Variants in DEDD2 observed in about 807,000 individuals in gnomAD.
DEDD2 encodes death effector domain containing 2.
DEDD2 carries 18 observed loss-of-function variants against 28.9 expected under a neutral mutation model. The ratio of observed to expected loss-of-function variants is 0.62; its 90% CI spans 0.43 to 0.92. The LOEUF (loss-of-function observed/expected upper bound fraction) is 0.92. Ranked by LOEUF, DEDD2 falls within the 40% of genes least tolerant of loss-of-function variation. The pLI is 0.00. For synonymous variants in DEDD2, 211 were observed against 206.1 expected, an observed-to-expected ratio of 1.02 and a Z score of -0.20; for missense variants, 411 against 463.3, an observed-to-expected ratio of 0.89 and a Z score of 1.04.
chr19:42,215,077 C>A, intron 3 of DEDD2, 56 bp downstream of exon 3: 1 of 1,605,402 alleles, frequency 6.2e-7, no homozygotes, highest in Non-Finnish European at 8.5e-7. Flanking sequence ...CCTTGATGGG[C>A]ACAATTCATA....
chr19:42,203,956 C>G (rs957762102), intron 4 of DEDD2, among the ~76,000 whole-genome samples: 8 of 152,246 alleles, frequency 5.3e-5, no homozygotes, highest in Admixed American at 5.2e-4. Context: ...CTGGCTGCAT[C>G]TTTTCCATTT....
chr19:42,206,511 G>T (rs184423532), intron 4 of DEDD2, among the ~76,000 whole-genome samples: 2 of 152,188 alleles, frequency 1.3e-5, no homozygotes, highest in Admixed American at 6.5e-5. Flanking sequence ...TTTCAGCCAA[G>T]CTCTGCCCCC....
chr19:42,200,617 G>C (rs2035294116), intron 4 of DEDD2, among the ~76,000 whole-genome samples: 1 of 152,222 alleles, frequency 6.6e-6, no homozygotes, highest in Non-Finnish European at 1.5e-5. Context: ...CTGCTAAGAT[G>C]ATGGGTTGGA....
At chr19:42,214,781 A>T (rs1296523560) in intron 3 of DEDD2, among the ~76,000 whole-genome samples, 1 of 152,124 alleles carries the variant, frequency 6.6e-6, no homozygotes, top group Non-Finnish European at 1.5e-5. Context: ...CAAACAGAAA[A>T]AAACAAAAAC....
Position 42,217,058 on chromosome 19 carries a change from C to T in DEDD2, c.-38-13G>A. 2 of 1,527,872 alleles carry T rather than the reference C, an allele frequency of 1.3e-6. No homozygotes were observed. Among genetic ancestry groups the T allele is most frequent in the Non-Finnish European group, 1.8e-6 (2 of 1,127,490 alleles). 94.6% of individuals were successfully genotyped at this position (1,527,872 alleles called of 1,614,324 possible). A position where few individuals can be genotyped will look rare whatever the true frequency, so the allele number is the denominator to read the frequency against. ...CTCAGAACCCGGCCTAGAACCCACA[C>T]AGCGGGGAGGGGGCAGTGGTCAGCG... On this transcript the variant is annotated splice_polypyrimidine_tract_variant and intron_variant, in intron 1 of 4. Transcript: ENST00000596251.
chr19:42,200,262 T>C (rs2035278458), intron 4 of DEDD2, among the ~76,000 whole-genome samples: 1 of 152,220 alleles, frequency 6.6e-6, no homozygotes, highest in Non-Finnish European at 1.5e-5. Flanking sequence ...CCTCTGTCAG[T>C]TACTATCTGC....
rs2035341662 is a variant in DEDD2 at position 42,201,819 on chromosome 19, T to C, written c.590-1990A>G. On this transcript the variant is annotated intron_variant, in intron 4 of 4. Coordinates refer to ENST00000596251, the MANE Select transcript of DEDD2 (RefSeq NM_133328.4). The stretch of plus-strand genomic sequence containing the variant: ...CATGGCATTCAGACCCAGCTGTCTC[T>C]ACCCAGACGACCAGATCCTTGACTG... The C allele has an allele frequency of 2.8e-5, 11 of 393,842 alleles. No homozygotes were observed. The East Asian group carries it at 4.0e-4, about 14-fold the overall frequency. The allele number at this position is 393,842 out of a possible 1,614,324, so 24.4% of individuals were successfully genotyped here. A position where few individuals can be genotyped will look rare whatever the true frequency, so the allele number is the denominator to read the frequency against.
In DEDD2 at chr19:42,216,866, G is replaced by T; in HGVS notation, c.142C>A (p.Leu48Met). ...GCGGCGCCAGGAGCCTCATCCAGCA[G>T]AAAGGCCAGGAGCTCCAGCTCGCAC... ...TECELELLAFLLDEAPGAAGG... is the reference protein window; with the variant it reads ...TECELELLAFMLDEAPGAAGG... Residue 48 changes from leucine (L) to methionine (M), a missense_variant, in exon 2 of 5, where the codon CTG (leucine) becomes ATG (methionine). By Grantham distance (15) the Leu-to-Met change is conservative. This residue lies in a region of DEDD2 where 282 missense variants were observed against 273.4 expected (regional missense o/e 1.03). Coordinates refer to ENST00000596251, the MANE Select transcript of DEDD2 (RefSeq NM_133328.4). The T allele has an allele frequency of 6.3e-7, 1 of 1,595,012 alleles. No individual in the cohort carries two copies. The highest frequency in any genetic ancestry group is 8.5e-7 in the Non-Finnish European group (1 of 1,171,372).
At chr19:42,207,254 A>C (rs550118833) in intron 4 of DEDD2, among the ~76,000 whole-genome samples, 10 of 152,188 alleles carry the variant, frequency 6.6e-5, no homozygotes, top group Non-Finnish European at 1.3e-4. Context: ...CTGCTGCCTC[A>C]TCTACAAAGC....
In DEDD2 at chr19:42,199,119, G is replaced by C; in HGVS notation, c.*319C>G. On this transcript the variant is annotated 3_prime_UTR_variant, in exon 5 of 5. Coordinates refer to ENST00000596251, the MANE Select transcript of DEDD2 (RefSeq NM_133328.4). This position sits in a 1 kb window ranked among gnomAD's most constrained non-coding sequence, Gnocchi z 7.4. ...ACAGTGCAGACAGCCCAAGATCAGAGATACAATGTGCAGGGGGGCCTTTGG... is the reference window on the plus strand; with the variant it reads ...ACAGTGCAGACAGCCCAAGATCAGACATACAATGTGCAGGGGGGCCTTTGG... The C allele has an allele frequency of 2.6e-6, 1 of 383,186 alleles. No homozygotes were observed. Among genetic ancestry groups the C allele is most frequent in the South Asian group, 3.9e-5 (1 of 25,866 alleles). The allele number at this position is 383,186 out of a possible 1,614,324, so 23.7% of individuals were successfully genotyped here.
chr19:42,216,645 C>T (rs779867576), intron 2 of DEDD2, 35 bp downstream of exon 2: 2 of 1,513,656 alleles, frequency 1.3e-6, no homozygotes, highest in Non-Finnish European at 1.8e-6. Context: ...GCCCTTTCCT[C>T]CCAGGAAGTG....
chr19:42,199,332 C>T lies in DEDD2; in HGVS notation c.*106G>A. ...CCTGCTGTCCCGGTCCTGTCGCAGT[C>T]CTCAAAGATGCTAGAGTGACAGTCC... is the stretch of plus-strand genomic sequence containing the variant. On this transcript the variant is annotated 3_prime_UTR_variant, in exon 5 of 5. Coordinates refer to ENST00000596251, the MANE Select transcript of DEDD2 (RefSeq NM_133328.4). This position sits in a 1 kb window ranked among gnomAD's most constrained non-coding sequence, Gnocchi z 7.4. 1 of 1,419,216 alleles carries T rather than the reference C, an allele frequency of 7.0e-7. No individual in the cohort carries two copies. The highest frequency in any genetic ancestry group is 2.8e-5 in the Admixed American group (1 of 35,236). 87.9% of individuals were successfully genotyped at this position (1,419,216 alleles called of 1,614,324 possible).
intron 3 of DEDD2, among the ~76,000 whole-genome samples, chr19:42,214,019 CT>C (rs1480302471): frequency 6.6e-6 from 1 of 152,176 alleles, no homozygotes; most frequent in African/African-American, 2.4e-5. Context: ...CTGTAATTTA[CT>C]TTCAAAGGGT....
intron 2 of DEDD2, among the ~76,000 whole-genome samples, 200 bp from the exon 3 acceptor site, chr19:42,215,452 C>T (rs1458344253): frequency 6.6e-6 from 1 of 152,182 alleles, no homozygotes; most frequent in Non-Finnish European, 1.5e-5. Flanking sequence ...GGCAATCTAA[C>T]CCACGTCTAC....
chr19:42,202,063 G>T (rs1351127189), intron 4 of DEDD2: 2 of 398,658 alleles, frequency 5.0e-6, no homozygotes, highest in African/African-American at 4.1e-5. Context: ...CTCTGAGCCT[G>T]TTTCCCCATC....
chr19:42,216,595 TG>T, intron 2 of DEDD2, 84 bp downstream of exon 2: 1 of 1,343,864 alleles, frequency 7.4e-7, no homozygotes, highest in South Asian at 1.5e-5. Flanking sequence ...GATATGGCAC[TG>T]TCCGTATCAG....
At chr19:42,216,424 G>C (rs927843516) in intron 2 of DEDD2, among the ~76,000 whole-genome samples, 1 of 152,246 alleles carries the variant, frequency 6.6e-6, no homozygotes, top group African/African-American at 2.4e-5. Flanking sequence ...TTCATATGAA[G>C]GGCTGACAGC....
intron 3 of DEDD2, chr19:42,212,136 C>T (rs1031635149): frequency 2.0e-5 from 3 of 152,006 alleles, no homozygotes; most frequent in African/African-American, 7.2e-5. Context: ...GAGGCCAAGG[C>T]AAGCAGGTCA....
Position 42,199,419 on chromosome 19 carries a change from C to A in DEDD2, c.*19G>T, listed in dbSNP as rs1395522316. The A allele has an allele frequency of 6.4e-7, 1 of 1,565,540 alleles. No homozygotes were observed. Among genetic ancestry groups the A allele is most frequent in the Admixed American group, 1.9e-5 (1 of 53,088 alleles). On this transcript the variant is annotated 3_prime_UTR_variant, in exon 5 of 5. Transcript: ENST00000596251. The surrounding 1 kb of genome is among the most constrained non-coding windows in gnomAD (Gnocchi z 7.4). ...TGGCCCGGAGACTTGGAGGTGGGAT[C>A]AATCCTGCCAGTCCTGGATCAGGAG...
Sources: gnomAD v4.1 joint callset for allele counts (sites outside exome capture counted in the v4.1 genomes callset) on GRCh38, gnomAD v4.1.1 for gene constraint, gnomAD v4.1.1 regional missense constraint, Gnocchi (gnomAD v3.1) non-coding constraint, MANE v1.5 for transcripts, NCBI Gene and HGNC (gene_info 2026-07-23, HGNC 2026-07-21) for gene names.